SPX: variants seen among roughly 807,000 people sequenced by gnomAD.
SPX encodes spexin hormone.
Under a neutral mutation model 19.2 loss-of-function variants are expected in SPX, and 22 were observed. That is an observed-to-expected ratio of 1.15 (90% CI 0.82 to 1.64). The LOEUF is 1.64. Among genes scored for constraint, SPX ranks in the 40% most tolerant of loss-of-function variants. SPX has a pLI of 0.00. For missense variants in SPX, 143 were observed against 137.7 expected (o/e 1.04, Z -0.19); for synonymous variants, 50 against 53.3 (o/e 0.94, Z 0.27).
intron 3 of SPX, 70 bp downstream of exon 3, chr12:21,527,262 A>T: frequency 7.1e-7 from 1 of 1,405,340 alleles, no homozygotes; most frequent in Non-Finnish European, 1.0e-6. Context: ...AGATAGATGG[A>T]GAGTTATGGA....
Position 21,529,094 on chromosome 12 carries a change from T to G in SPX, c.292+10T>G. ...CAGAAATCACCAGAAGGTACTAGCA[T>G]AGTGGCCTCTTTCACCTGCATAACA... is the stretch of plus-strand genomic sequence containing the variant. On this transcript the variant is annotated intron_variant, in intron 5 of 5. Transcript: ENST00000256969. The G allele has an allele frequency of 6.2e-7, 1 of 1,610,084 alleles. No homozygotes were observed. Among genetic ancestry groups the G allele is most frequent in the Non-Finnish European group, 8.5e-7 (1 of 1,176,332 alleles).
chr12:21,528,117 C>T (rs1286497603), intron 4 of SPX: 1 of 305,588 alleles, frequency 3.3e-6, no homozygotes, highest in Non-Finnish European at 6.2e-6. Context: ...GCAGAGGTCC[C>T]CAGGGAGTTA....
chr12:21,531,301 C>A lies in SPX; in HGVS notation c.*106C>A. Reference sequence around the variant, plus strand: ...TATTCCATTTGTAATCTTAAGAACACACACAGATAGTTTTATTCTTTCAGA... The same window carrying A: ...TATTCCATTTGTAATCTTAAGAACAAACACAGATAGTTTTATTCTTTCAGA... On this transcript the variant is annotated 3_prime_UTR_variant, in exon 6 of 6. Coordinates refer to ENST00000256969, the MANE Select transcript of SPX (RefSeq NM_030572.4). The A allele has an allele frequency of 1.3e-6, 1 of 769,668 alleles. No individual in the cohort carries two copies. Among genetic ancestry groups the A allele is most frequent in the Non-Finnish European group, 2.0e-6 (1 of 494,950 alleles). The allele number at this position is 769,668 out of a possible 1,614,324, so 47.7% of individuals were successfully genotyped here.
intron 4 of SPX, 86 bp downstream of exon 4, chr12:21,527,875 A>C (rs1039624298): frequency 1.0e-5 from 15 of 1,439,346 alleles, no homozygotes; most frequent in Non-Finnish European, 1.4e-5. Flanking sequence ...CTGGTGCCGA[A>C]AGAAAGCGTC....
chr12:21,526,992 T>A, intron 2 of SPX, 26 bp downstream of exon 2: 1 of 1,607,648 alleles, frequency 6.2e-7, no homozygotes, highest in Non-Finnish European at 8.5e-7. Context: ...ATAAAAAATT[T>A]TAAAACAATG....
At chr12:21,527,452 G>T in intron 3 of SPX, 1 of 597,262 alleles carries the variant, frequency 1.7e-6, no homozygotes, top group Non-Finnish European at 3.0e-6. Context: ...GACTCGGGTT[G>T]CCTGGGAAAT....
Position 21,527,127 on chromosome 12 carries a change from G to C in SPX, c.88-8G>C. The C allele has an allele frequency of 6.2e-7, 1 of 1,613,706 alleles. No individual in the cohort carries two copies. Among genetic ancestry groups the C allele is most frequent in the Non-Finnish European group, 8.5e-7 (1 of 1,179,794 alleles). On this transcript the variant is annotated splice_polypyrimidine_tract_variant and splice_region_variant and intron_variant, in intron 2 of 5. Transcript: ENST00000256969. ...TATTAACTGCTCTTCCCTTCCCCCG[G>C]GCTATAGAGACTGTTGGAGAGAAGG...
chr12:21,527,446 C>G, intron 3 of SPX: 1 of 596,988 alleles, frequency 1.7e-6, no homozygotes, highest in East Asian at 2.8e-5. Context: ...AATGGGGACT[C>G]GGGTTGCCTG....
intron 3 of SPX, 116 bp downstream of exon 3, chr12:21,527,308 C>A: frequency 9.4e-7 from 1 of 1,067,352 alleles, no homozygotes; most frequent in Non-Finnish European, 1.4e-6. Flanking sequence ...CTTAAATCAT[C>A]GAGGCCATCA....
intron 5 of SPX, among the ~76,000 whole-genome samples, chr12:21,529,950 T>C (rs773403603): frequency 6.6e-6 from 1 of 152,192 alleles, no homozygotes; most frequent in Admixed American, 6.5e-5. Flanking sequence ...TGGGAAAATG[T>C]GCAGAGCCAG....
chr12:21,527,003 C>A (rs115750730), intron 2 of SPX, 37 bp downstream of exon 2: 15 of 1,592,398 alleles, frequency 9.4e-6, no homozygotes, highest in Non-Finnish European at 1.3e-5. Flanking sequence ...TAAAACAATG[C>A]GCACTGTGTG....
At position 21,526,984 on chromosome 12, in the gene SPX, A is replaced by G. The variant is rs748171112; in HGVS notation, c.87+18A>G. On this transcript the variant is annotated intron_variant, in intron 2 of 5. Transcript: ENST00000256969. ...CTCCGCAGGTAATCAAATGCAAAAT[A>G]AAAAATTTTAAAACAATGCGCACTG... 5.0e-6 allele frequency: 8 copies of G among 1,610,298 alleles called. No homozygotes were observed. The South Asian group carries it at 5.5e-5, about 11-fold the overall frequency.
chr12:21,527,791 T>TCCC lies in SPX; in HGVS notation c.208+2_208+3insCCC, dbSNP rs774663817. ...ACCTCTCCGACCGGCCACTGCCGGG[T>TCCC]GAGTGACCAAGGGTGCAAGGGCGCT... On this transcript the variant is annotated splice_region_variant and intron_variant, in intron 4 of 5. Transcript: ENST00000256969. 3.8e-6 allele frequency: 6 copies of TCCC among 1,569,808 alleles called. No individual in the cohort carries two copies. In the East Asian group the frequency reaches 9.2e-5, roughly 24 times the overall value.
At position 21,532,549 on chromosome 12, in the gene SPX, G is replaced by T. The variant is rs2136825305; in HGVS notation, c.*1354G>T. The T allele has an allele frequency of 6.6e-6, 1 of 152,266 alleles. No individual in the cohort carries two copies. The allele number at this position is 152,266 out of a possible 1,614,324, so 9.4% of individuals were successfully genotyped here. On this transcript the variant is annotated 3_prime_UTR_variant, in exon 6 of 6. Coordinates refer to ENST00000256969, the MANE Select transcript of SPX (RefSeq NM_030572.4). ...ATAATAGGCACCTGTCATTAATTAT[G>T]ATTTGATTTGAAAGTAGACTTACTA...
Position 21,532,836 on chromosome 12 carries a change from T to C in SPX, c.*1641T>C, listed in dbSNP as rs759802217. The C allele has an allele frequency of 6.6e-6, 1 of 152,222 alleles. No individual in the cohort carries two copies. Among genetic ancestry groups the C allele is most frequent in the Non-Finnish European group, 1.5e-5 (1 of 68,030 alleles). The allele number at this position is 152,222 out of a possible 1,614,324, so 9.4% of individuals were successfully genotyped here. On this transcript the variant is annotated 3_prime_UTR_variant, in exon 6 of 6. Transcript: ENST00000256969. ...ATACTAACCATTGTTTTAAAAGCTG[T>C]CTCAATGATCAATAGCTGTTAAAAT...
chr12:21,530,091 T>C (rs1943849756), intron 5 of SPX, among the ~76,000 whole-genome samples: 2 of 152,190 alleles, frequency 1.3e-5, no homozygotes, highest in Non-Finnish European at 2.9e-5. Flanking sequence ...TAAATATGTA[T>C]TTTTTTAATT....
At chr12:21,530,309 GT>G (rs1943852157) in intron 5 of SPX, among the ~76,000 whole-genome samples, 1 of 150,234 alleles carries the variant, frequency 6.7e-6, no homozygotes, top group Non-Finnish European at 1.5e-5. Context: ...CGCCGTTCTG[GT>G]TTTGTTTTGT....
rs1452958193 is a variant in SPX, at chr12:21,526,313, G to T, written c.-160G>T. On this transcript the variant is annotated 5_prime_UTR_variant, in exon 1 of 6. Transcript: ENST00000256969. ...GAGGAGTCATCAGATTCTCAATCTT[G>T]CTTGAAGACTGACAAGATGTCCCTG... The T allele has an allele frequency of 5.5e-6, 3 of 545,372 alleles. No homozygotes were observed. In the East Asian group the frequency reaches 8.6e-5, roughly 16 times the overall value. The allele number at this position is 545,372 out of a possible 1,614,324, so 33.8% of individuals were successfully genotyped here.
rs1426732471 is a variant in SPX, at chr12:21,529,046, CA to C, written c.256del (p.Thr86ProfsTer39). 4.3e-6 allele frequency: 7 copies of C among 1,614,050 alleles called. No individual in the cohort carries two copies. The highest frequency in any genetic ancestry group is 5.1e-6 in the Non-Finnish European group (6 of 1,180,028). The part of the protein sequence containing the change: ...NPQLLTIPEA[A>X]TILLASLQKS... ...CAACTACTAACTATTCCGGAGGCAG[CA>C]ACCATCTTACTGGCGTCCCTTCAGA... On this transcript the variant is annotated frameshift_variant, in exon 5 of 6. Transcript: ENST00000256969. LOFTEE classifies it high-confidence loss of function.
Sources: gnomAD v4.1 joint callset for allele counts (sites outside exome capture counted in the v4.1 genomes callset) on GRCh38, gnomAD v4.1.1 for gene constraint, MANE v1.5 for transcripts, NCBI Gene and HGNC (gene_info 2026-07-23, HGNC 2026-07-21) for gene names.